Variants in NTRK2 observed in about 807,000 individuals in gnomAD.
NTRK2 encodes BDNF/NT-3 growth factors receptor.
NTRK2 carries 13 observed loss-of-function variants against 94.5 expected under a neutral mutation model. That is an observed-to-expected ratio of 0.14 (90% CI 0.09 to 0.22). The LOEUF (loss-of-function observed/expected upper bound fraction) is 0.22, where lower values mean the gene tolerates loss of function less well. Among genes scored for constraint, NTRK2 ranks in the 10% least tolerant of loss-of-function variants. The probability of loss-of-function intolerance (pLI) is 1.00; values close to 1 mark genes in which losing one functional copy is unlikely to be tolerated. For synonymous variants in NTRK2, 372 were observed against 407.4 expected, an observed-to-expected ratio of 0.91 and a Z score of 1.05; for missense variants, 639 against 1,071.2, an observed-to-expected ratio of 0.60 and a Z score of 5.63.
At chr9:84,678,713 G>GAAACA (rs112666513) in intron 2 of NTRK2, among the ~76,000 whole-genome samples, 2,371 of 152,110 alleles carry the variant, frequency 0.016, 55 homozygotes, top group African/African-American at 0.05. Flanking sequence ...CAACTATGGT[G>GAAACA]AAACAAAACA....
intron 17 of NTRK2, among the ~76,000 whole-genome samples, chr9:85,009,928 T>G (rs1831378097): frequency 6.6e-6 from 1 of 152,202 alleles, no homozygotes. Flanking sequence ...AAAGAAGAAC[T>G]TACTCATTTT....
chr9:84,868,398 C>A (rs1024206576), intron 14 of NTRK2, among the ~76,000 whole-genome samples: 2 of 152,162 alleles, frequency 1.3e-5, no homozygotes, highest in Non-Finnish European at 2.9e-5. Flanking sequence ...CAATGAGTAT[C>A]AGATCTGTGC....
intron 2 of NTRK2, among the ~76,000 whole-genome samples, chr9:84,682,729 G>T (rs150649495): frequency 2.0e-4 from 30 of 152,168 alleles, no homozygotes; most frequent in Non-Finnish European, 3.7e-4. Context: ...TACATATATA[G>T]CACATATATA....
intron 12 of NTRK2, among the ~76,000 whole-genome samples, chr9:84,841,278 G>A (rs998938132): frequency 2.6e-5 from 4 of 152,146 alleles, no homozygotes; most frequent in Admixed American, 1.3e-4. Context: ...CCAACACAGA[G>A]CGCTGAGCTG....
chr9:84,883,737 G>A (rs1454904642), intron 14 of NTRK2, among the ~76,000 whole-genome samples: 1 of 152,140 alleles, frequency 6.6e-6, no homozygotes, highest in Non-Finnish European at 1.5e-5. Flanking sequence ...AAAAGGATTG[G>A]CAATTTTTTT....
At chr9:84,919,261 C>A (rs1282320283) in intron 14 of NTRK2, among the ~76,000 whole-genome samples, 1 of 152,216 alleles carries the variant, frequency 6.6e-6, no homozygotes, top group East Asian at 1.9e-4. Context: ...CCATCCACAT[C>A]AGCTTCTTTC....
intron 14 of NTRK2, among the ~76,000 whole-genome samples, chr9:84,929,865 T>C (rs1220503796): frequency 2.0e-5 from 3 of 152,178 alleles, no homozygotes; most frequent in Non-Finnish European, 4.4e-5. Context: ...CCCAGCCTCT[T>C]ATTTATTTCT....
chr9:84,830,285 T>A (rs893676345), intron 12 of NTRK2, among the ~76,000 whole-genome samples: 1 of 152,194 alleles, frequency 6.6e-6, no homozygotes, highest in Non-Finnish European at 1.5e-5. Flanking sequence ...GTATACAGTT[T>A]CCTGTACACA....
At chr9:84,723,232 A>G (rs975991338) in intron 6 of NTRK2, among the ~76,000 whole-genome samples, 1 of 152,242 alleles carries the variant, frequency 6.6e-6, no homozygotes, top group African/African-American at 2.4e-5. Flanking sequence ...CTTATGTACA[A>G]TCTCTGTTTA....
intron 9 of NTRK2, among the ~76,000 whole-genome samples, chr9:84,737,935 A>G (rs1363821862): frequency 6.6e-6 from 1 of 151,514 alleles, no homozygotes; most frequent in Non-Finnish European, 1.5e-5. Flanking sequence ...AGGATGCTCA[A>G]CACGTTCTTC....
At chr9:84,812,138 C>T (rs976806414) in intron 12 of NTRK2, 5 of 1,059,048 alleles carry the variant, frequency 4.7e-6, no homozygotes, top group African/African-American at 3.3e-5. Context: ...CCAACACAGT[C>T]AGAAACATTG....
intron 4 of NTRK2, among the ~76,000 whole-genome samples, chr9:84,705,010 C>A (rs1380958546): frequency 6.6e-6 from 1 of 152,122 alleles, no homozygotes; most frequent in Non-Finnish European, 1.5e-5. Flanking sequence ...CCTCAAATAT[C>A]AACGCAGTGG....
At chr9:84,688,562 T>C (rs1361480314) in intron 2 of NTRK2, among the ~76,000 whole-genome samples, 2 of 152,164 alleles carry the variant, frequency 1.3e-5, no homozygotes, top group African/African-American at 4.8e-5. Context: ...CATAGATCTG[T>C]CCCCAGCAGT....
At chr9:84,859,423 T>C (rs2075227731) in intron 12 of NTRK2, among the ~76,000 whole-genome samples, 1 of 152,232 alleles carries the variant, frequency 6.6e-6, no homozygotes, top group Admixed American at 6.5e-5. Context: ...CTTCACAATA[T>C]TCATTCCTTT....
At chr9:84,823,356 A>C (rs781271246) in intron 12 of NTRK2, among the ~76,000 whole-genome samples, 1 of 152,240 alleles carries the variant, frequency 6.6e-6, no homozygotes, top group Non-Finnish European at 1.5e-5. Context: ...TGTTTATGGA[A>C]GTGTACATCA....
At chr9:84,800,291 CTCCTGGGT>C (rs1445810438) in intron 12 of NTRK2, among the ~76,000 whole-genome samples, 1 of 152,130 alleles carries the variant, frequency 6.6e-6, no homozygotes, top group Admixed American at 6.5e-5. Context: ...CAACCTGTGC[CTCCTGGGT>C]TCAAGTGATT....
At chr9:84,673,054 G>A (rs1209667127) in intron 2 of NTRK2, among the ~76,000 whole-genome samples, 1 of 152,166 alleles carries the variant, frequency 6.6e-6, no homozygotes, top group Non-Finnish European at 1.5e-5. Flanking sequence ...TGAGAACAGG[G>A]AATTAGGTTA....
At chr9:84,928,493 A>C (rs1220481019) in intron 14 of NTRK2, among the ~76,000 whole-genome samples, 1 of 152,204 alleles carries the variant, frequency 6.6e-6, no homozygotes, top group African/African-American at 2.4e-5. Context: ...CAACTAAATG[A>C]AATACCTGTT....
chr9:84,677,677 A>T (rs992132222), intron 2 of NTRK2, among the ~76,000 whole-genome samples: 5 of 152,034 alleles, frequency 3.3e-5, no homozygotes, highest in African/African-American at 9.7e-5. Flanking sequence ...GGCTCTGTCT[A>T]CTCCAACCTT....
Sources: gnomAD v4.1 joint callset for allele counts (sites outside exome capture counted in the v4.1 genomes callset) on GRCh38, gnomAD v4.1.1 for gene constraint, MANE v1.5 for transcripts, NCBI Gene and HGNC (gene_info 2026-07-23, HGNC 2026-07-21) for gene names.